SDK2: variants seen among roughly 807,000 people sequenced by gnomAD.
SDK2 encodes protein sidekick-2.
Under a neutral mutation model 253.9 loss-of-function variants are expected in SDK2, and 105 were observed. That is an observed-to-expected ratio of 0.41 (90% CI 0.35 to 0.49). The LOEUF is 0.49. Among genes scored for constraint, SDK2 ranks in the 20% least tolerant of loss-of-function variants. The pLI, the probability that SDK2 is intolerant of heterozygous loss-of-function variation, is 0.06. For missense variants in SDK2, 2,608 were observed against 3,003.0 expected, an observed-to-expected ratio of 0.87 and a Z score of 3.07; for synonymous variants, 1,249 against 1,234.9, an observed-to-expected ratio of 1.01 and a Z score of -0.24.
intron 1 of SDK2, among the ~76,000 whole-genome samples, chr17:73,582,199 C>A (rs73998910): frequency 7.8e-6 from 1 of 127,754 alleles, no homozygotes; most frequent in Non-Finnish European, 1.7e-5. Context: ...GCACACACCA[C>A]GCAGGCATCA....
intron 2 of SDK2, among the ~76,000 whole-genome samples, chr17:73,494,338 G>A (rs1018720720): frequency 6.6e-6 from 1 of 152,116 alleles, no homozygotes. Context: ...CAGCTGAGGT[G>A]TTCTGTGGCT....
chr17:73,478,115 G>A (rs985938472), intron 2 of SDK2, among the ~76,000 whole-genome samples: 1 of 152,184 alleles, frequency 6.6e-6, no homozygotes, highest in Non-Finnish European at 1.5e-5. Flanking sequence ...GGAAACGACT[G>A]TCATTAGTTT....
Position 73,379,599 on chromosome 17 carries a change from C to T in SDK2, c.4763-50G>A, listed in dbSNP as rs759602754. On this transcript the variant is annotated intron_variant, in intron 34 of 44. Coordinates refer to ENST00000392650, the MANE Select transcript of SDK2 (RefSeq NM_001144952.2). The surrounding 1 kb of genome is among the most constrained non-coding windows in gnomAD (Gnocchi z 4.5). The stretch of plus-strand genomic sequence containing the variant: ...AAGCACACTGAGGTCACCGTCATTG[C>T]TGGGAAGGTGTCCCCAGGGAGGGTG... 15 of 1,177,876 alleles carry T rather than the reference C, an allele frequency of 1.3e-5. No homozygotes were observed. Among genetic ancestry groups the T allele is most frequent in the Non-Finnish European group, 1.9e-5 (15 of 805,782 alleles). 73.0% of individuals were successfully genotyped at this position (1,177,876 alleles called of 1,614,324 possible). A position where few individuals can be genotyped will look rare whatever the true frequency, so the allele number is the denominator to read the frequency against.
At chr17:73,635,707 C>T (rs1312331857) in intron 1 of SDK2, among the ~76,000 whole-genome samples, 1 of 151,672 alleles carries the variant, frequency 6.6e-6, no homozygotes, top group Non-Finnish European at 1.5e-5. Flanking sequence ...ACTTTAATTG[C>T]CTTTCTTCCC....
At position 73,500,483 on chromosome 17, in the gene SDK2, A is replaced by C. The variant is rs567358677; in HGVS notation, c.224+6955T>G. ...ATCCTCCATCCATCCTCCCTCCATT[A>C]TCCTCCATCCTTTGTCCATCTTCCT... On this transcript the variant is annotated intron_variant, in intron 2 of 44. Coordinates refer to ENST00000392650, the MANE Select transcript of SDK2 (RefSeq NM_001144952.2). Among the ~76,000 whole-genome samples the C allele has an allele frequency of 1.9e-3, 170 of 90,440 alleles. No homozygotes were observed. In the Middle Eastern group the frequency reaches 0.033, roughly 18 times the overall value. 59.3% of individuals were successfully genotyped at this position (90,440 alleles called of 152,430 possible).
At chr17:73,440,451 C>T (rs983765532) in intron 6 of SDK2, among the ~76,000 whole-genome samples, 1 of 152,162 alleles carries the variant, frequency 6.6e-6, no homozygotes, top group Admixed American at 6.5e-5. Context: ...GCACACTTCC[C>T]TCCTGCACAA....
chr17:73,401,797 CAG>C, intron 19 of SDK2, 45 bp from the exon 20 acceptor site: 1 of 1,511,720 alleles, frequency 6.6e-7, no homozygotes, highest in Non-Finnish European at 9.0e-7. Context: ...CAGTTAGAGC[CAG>C]AGAGAGACCA....
chr17:73,509,902 C>CAAAAAAAAAAAAAAAAAAAAAAAAAAA lies in SDK2; in HGVS notation c.65-2306_65-2305insTTTTTTTTTTTTTTTTTTTTTTTTTTT, dbSNP rs71157018. On this transcript the variant is annotated intron_variant, in intron 1 of 44. Transcript: ENST00000392650. ...GCAACAGAGCAAGACTCCATCTCTACAAAAAAAAAAAAAAAAAAAAGAAGG... is the reference window on the plus strand; with the variant it reads ...GCAACAGAGCAAGACTCCATCTCTACAAAAAAAAAAAAAAAAAAAAAAAAAAAAAAAAAAAAAAAAAAAAAAAGAAGG... 8.7e-3 allele frequency among the ~76,000 whole-genome samples: 221 copies of CAAAAAAAAAAAAAAAAAAAAAAAAAAA among 25,296 alleles called. 28 individuals carry two copies. Among genetic ancestry groups the CAAAAAAAAAAAAAAAAAAAAAAAAAAA allele is most frequent in the East Asian group, 0.011 (9 of 788 alleles). 16.6% of individuals were successfully genotyped at this position (25,296 alleles called of 152,430 possible).
At chr17:73,456,529 C>T (rs902696455) in intron 3 of SDK2, among the ~76,000 whole-genome samples, 1 of 152,118 alleles carries the variant, frequency 6.6e-6, no homozygotes, top group African/African-American at 2.4e-5. Flanking sequence ...GTTTCTGTGC[C>T]CTTTCAGGGA....
At chr17:73,554,337 G>A (rs1329063604) in intron 1 of SDK2, among the ~76,000 whole-genome samples, 5 of 152,242 alleles carry the variant, frequency 3.3e-5, no homozygotes, top group Admixed American at 6.5e-5. Context: ...CCTAAGCCAC[G>A]GTACCTCAGA....
Position 73,511,522 on chromosome 17 carries a change from G to A in SDK2, c.65-3925C>T, listed in dbSNP as rs2063980380. Among the ~76,000 whole-genome samples, 1 of 152,182 alleles carries A rather than the reference G, an allele frequency of 6.6e-6. No individual in the cohort carries two copies. On this transcript the variant is annotated intron_variant, in intron 1 of 44. Coordinates refer to ENST00000392650, the MANE Select transcript of SDK2 (RefSeq NM_001144952.2). The surrounding 1 kb of genome is among the most constrained non-coding windows in gnomAD (Gnocchi z 4.9). ...GGATGGGTTGACTCCAGAGGCTGCT[G>A]GAGATAATGACTCTGGGGAGGAGGA...
chr17:73,388,032 GAC>G lies in SDK2; in HGVS notation c.4196_4197del (p.Arg1399ProfsTer82). On this transcript the variant is annotated frameshift_variant, in exon 30 of 45. Transcript: ENST00000392650. LOFTEE classifies it high-confidence loss of function. Reference protein sequence around the residue: ...ALVVTTEKRDRPQPPSRPMVQ... With the variant: ...ALVVTTEKRDXPQPPSRPMVQ... ...ACCATCGGCCTGCTGGGGGGCTGCGGACGGTCTGGGAGGTGGCAGAGGGGGAG... is the reference window on the plus strand; with the variant it reads ...ACCATCGGCCTGCTGGGGGGCTGCGGGGTCTGGGAGGTGGCAGAGGGGGAG... 6.4e-7 allele frequency: 1 copy of G among 1,564,692 alleles called. No individual in the cohort carries two copies. Among genetic ancestry groups the G allele is most frequent in the Non-Finnish European group, 8.7e-7 (1 of 1,155,806 alleles).
chr17:73,535,377 A>G (rs893321478), intron 1 of SDK2, among the ~76,000 whole-genome samples: 1 of 152,140 alleles, frequency 6.6e-6, no homozygotes, highest in Non-Finnish European at 1.5e-5. Flanking sequence ...GACAGGAAAA[A>G]TGACATGATG....
Position 73,403,419 on chromosome 17 carries a change from GC to G in SDK2, c.2485-1279del, listed in dbSNP as rs200637447. ...ATCTCCCCTCTGCAGATCACACCTG[GC>G]CCCCGCCCCCTCCCGCCTGTCTCGC... On this transcript the variant is annotated intron_variant, in intron 18 of 44. Transcript: ENST00000392650. Among the ~76,000 whole-genome samples the G allele has an allele frequency of 9.0e-4, 137 of 151,988 alleles. 1 individual carries two copies. The highest frequency in any genetic ancestry group is 1.9e-3 in the East Asian group (10 of 5,158).
At chr17:73,388,844 C>T (rs1485024620) in intron 29 of SDK2, among the ~76,000 whole-genome samples, 1 of 120,334 alleles carries the variant, frequency 8.3e-6, no homozygotes, top group Non-Finnish European at 1.8e-5. Flanking sequence ...TTCCCCCCTC[C>T]TTTCCTTTTC....
intron 1 of SDK2, among the ~76,000 whole-genome samples, chr17:73,630,917 G>A (rs1458660830): frequency 6.6e-6 from 1 of 152,050 alleles, no homozygotes; most frequent in African/African-American, 2.4e-5. Context: ...TCTTCTTGGT[G>A]GTTTCCAGCA....
Position 73,338,768 on chromosome 17 carries a change from G to T in SDK2, c.6338C>A (p.Thr2113Asn), listed in dbSNP as rs138505292. The change falls in exon 45 of 45, where the codon ACC (threonine) becomes AAC (asparagine). Residue 2113 changes from threonine to asparagine, a missense_variant. Thr to Asn is a moderately conservative substitution (Grantham distance 65). Around this residue, in one of 2 missense-constraint regions of SDK2, gnomAD observed 1,103 missense variants for 1,143.9 expected, o/e 0.96. Transcript: ENST00000392650. The surrounding 1 kb of genome is among the most constrained non-coding windows in gnomAD (Gnocchi z 5.0). ...TESDSGEPDH[T>N]TVTNSTSTQQ... ...GGTGCTGGTGCTGTTGGTGACGGTG[G>T]TGTGGTCTGGCTCACCCGAGTCGCT... 1.3e-3 allele frequency: 2,061 copies of T among 1,613,890 alleles called. 31 individuals are homozygous for T. In the African/African-American group the frequency reaches 0.025, roughly 19 times the overall value.
chr17:73,551,869 C>T (rs1452179760), intron 1 of SDK2, among the ~76,000 whole-genome samples: 1 of 152,184 alleles, frequency 6.6e-6, no homozygotes, highest in Non-Finnish European at 1.5e-5. Flanking sequence ...ATCTGGAGAC[C>T]CAACTCCAGG....
chr17:73,570,241 C>T lies in SDK2; in HGVS notation c.65-62644G>A, dbSNP rs536557189. Among the ~76,000 whole-genome samples the T allele has an allele frequency of 1.2e-3, 181 of 152,166 alleles. No homozygotes were observed. The highest frequency in any genetic ancestry group is 4.0e-3 in the African/African-American group (167 of 41,498). On this transcript the variant is annotated intron_variant, in intron 1 of 44. Transcript: ENST00000392650. This position sits in a 1 kb window ranked among gnomAD's most constrained non-coding sequence, Gnocchi z 4.2. The stretch of plus-strand genomic sequence containing the variant: ...ACACCCCTGCCTCCTAAGCACAGCC[C>T]GGCCTCAACATGCATCTCCTACCAC...
Sources: gnomAD v4.1 joint callset for allele counts (sites outside exome capture counted in the v4.1 genomes callset) on GRCh38, gnomAD v4.1.1 for gene constraint, gnomAD v4.1.1 regional missense constraint, Gnocchi (gnomAD v3.1) non-coding constraint, MANE v1.5 for transcripts, NCBI Gene and HGNC (gene_info 2026-07-23, HGNC 2026-07-21) for gene names.